Variants in SSBP2 observed in about 807,000 individuals in gnomAD.
The protein encoded by SSBP2 is single stranded DNA binding protein 2.
SSBP2 carries 17 observed loss-of-function variants against 61.8 expected under a neutral mutation model. The observed-to-expected ratio is 0.28, with a 90% CI of 0.19 to 0.41. SSBP2 has a LOEUF of 0.41. Ranked by LOEUF, SSBP2 falls within the 10% of genes least tolerant of loss-of-function variation. The pLI is 1.00. For synonymous variants in SSBP2, 139 were observed against 141.3 expected, an observed-to-expected ratio of 0.98 and a Z score of 0.12; for missense variants, 310 against 458.7, an observed-to-expected ratio of 0.68 and a Z score of 2.96.
At chr5:81,491,971 A>G (rs752770864) in intron 5 of SSBP2, among the ~76,000 whole-genome samples, 8 of 152,346 alleles carry the variant, frequency 5.3e-5, no homozygotes, top group Admixed American at 1.3e-4. Context: ...GCGTAGACAC[A>G]GCAACAGAAT....
chr5:81,645,225 C>G (rs1344743688), intron 2 of SSBP2, among the ~76,000 whole-genome samples: 2 of 152,178 alleles, frequency 1.3e-5, no homozygotes, highest in South Asian at 2.1e-4. Context: ...GCTTTTACCT[C>G]CTATACTATA....
At chr5:81,750,609 C>G (rs1757693317) in intron 1 of SSBP2, 2 of 222,154 alleles carry the variant, frequency 9.0e-6, no homozygotes, top group Non-Finnish European at 1.8e-5. Flanking sequence ...CCTCCCGCCA[C>G]CCCCGGCGGC....
intron 4 of SSBP2, among the ~76,000 whole-genome samples, chr5:81,541,801 C>G (rs753262399): frequency 1.2e-4 from 18 of 152,146 alleles, no homozygotes; most frequent in Non-Finnish European, 2.6e-4. Context: ...AATGTAAAAC[C>G]TCAAACTATA....
At chr5:81,640,125 G>A (rs1259119554) in intron 2 of SSBP2, among the ~76,000 whole-genome samples, 1 of 152,152 alleles carries the variant, frequency 6.6e-6, no homozygotes, top group East Asian at 1.9e-4. Context: ...AAAGGCAGGT[G>A]GATCACCTGA....
At chr5:81,646,737 C>A (rs1749310269) in intron 2 of SSBP2, among the ~76,000 whole-genome samples, 1 of 139,620 alleles carries the variant, frequency 7.2e-6, no homozygotes, top group Non-Finnish European at 1.5e-5. Context: ...TCAAAGGCTC[C>A]CTTTTTCCAA....
chr5:81,733,630 ATC>A (rs1294639163), intron 1 of SSBP2, among the ~76,000 whole-genome samples: 1 of 152,192 alleles, frequency 6.6e-6, no homozygotes. Flanking sequence ...GACAAATCGT[ATC>A]TGTTACAAAA....
At chr5:81,511,503 C>T (rs1471140402) in intron 5 of SSBP2, among the ~76,000 whole-genome samples, 2 of 152,138 alleles carry the variant, frequency 1.3e-5, no homozygotes, top group South Asian at 2.1e-4. Flanking sequence ...CTCCTGCCTA[C>T]CCTCCCCACT....
rs1764510418 is a variant in SSBP2 at position 81,461,097 on chromosome 5, T to C, written c.645A>G (p.Pro215=). The C allele has an allele frequency of 2.5e-6, 4 of 1,589,308 alleles. No homozygotes were observed. The highest frequency in any genetic ancestry group is 3.4e-6 in the Non-Finnish European group (4 of 1,167,904). Reference sequence around the variant, plus strand: ...GGTTTGGCCAAGGTCTACCACCACCTGGACCCCTACAAAACAATTTGATAA... The same window carrying C: ...GGTTTGGCCAAGGTCTACCACCACCCGGACCCCTACAAAACAATTTGATAA... Residue 215 remains proline (P), a synonymous_variant, in exon 10 of 17, where the codon CCA becomes CCG. Transcript: ENST00000320672.
At chr5:81,477,469 T>C (rs955494001) in intron 6 of SSBP2, among the ~76,000 whole-genome samples, 3 of 152,206 alleles carry the variant, frequency 2.0e-5, no homozygotes, top group African/African-American at 4.8e-5. Context: ...TCTTCAACAG[T>C]GGGAAACCCG....
chr5:81,728,787 A>G (rs1187355731), intron 1 of SSBP2, among the ~76,000 whole-genome samples: 2 of 152,254 alleles, frequency 1.3e-5, no homozygotes, highest in East Asian at 3.8e-4. Flanking sequence ...GTCCAAGCCA[A>G]TTAACAAATT....
intron 14 of SSBP2, 51 bp downstream of exon 14, chr5:81,440,507 A>G (rs1296356949): frequency 2.0e-6 from 3 of 1,516,688 alleles, no homozygotes; most frequent in Non-Finnish European, 2.7e-6. Flanking sequence ...ACTAGGTAGA[A>G]TTAAGGTTTT....
chr5:81,658,758 G>A lies in SSBP2; in HGVS notation c.63-8419C>T, dbSNP rs576834230. Among the ~76,000 whole-genome samples, 14 of 152,026 alleles carry A rather than the reference G, an allele frequency of 9.2e-5. No individual in the cohort carries two copies. The South Asian group carries it at 1.9e-3, about 20-fold the overall frequency. On this transcript the variant is annotated intron_variant, in intron 1 of 16. Transcript: ENST00000320672. ...GGATTTCCCTAATGAACATCGATGC[G>A]AAAATCCTCAATAAAACACTGGCAA...
chr5:81,476,219 A>G (rs1224223070), intron 6 of SSBP2, among the ~76,000 whole-genome samples: 1 of 152,138 alleles, frequency 6.6e-6, no homozygotes, highest in Non-Finnish European at 1.5e-5. Flanking sequence ...CATAACCACC[A>G]TACAGCCTTT....
At chr5:81,707,524 C>T (rs1447687561) in intron 1 of SSBP2, among the ~76,000 whole-genome samples, 1 of 152,168 alleles carries the variant, frequency 6.6e-6, no homozygotes, top group Non-Finnish European at 1.5e-5. Flanking sequence ...ATCCTTCCCT[C>T]ACAGTCCTCA....
chr5:81,668,441 T>C (rs1347341167), intron 1 of SSBP2, among the ~76,000 whole-genome samples: 1 of 152,070 alleles, frequency 6.6e-6, no homozygotes, highest in Admixed American at 6.6e-5. Flanking sequence ...TTATCCAGCC[T>C]ACTTATCTCA....
At chr5:81,493,279 TAGA>T (rs1767013411) in intron 5 of SSBP2, among the ~76,000 whole-genome samples, 5 of 151,392 alleles carry the variant, frequency 3.3e-5, no homozygotes, top group African/African-American at 1.2e-4. Context: ...GATAGATAGA[TAGA>T]TAGATAGATA....
chr5:81,751,227 T>C (rs1455611878), upstream of SSBP2: 4 of 625,302 alleles, frequency 6.4e-6, no homozygotes, highest in South Asian at 5.7e-5. Context: ...CCTCTGGCCT[T>C]CCGAAGCGCG....
intron 4 of SSBP2, among the ~76,000 whole-genome samples, chr5:81,609,953 A>T (rs1220337436): frequency 6.6e-6 from 1 of 151,840 alleles, no homozygotes; most frequent in Admixed American, 6.6e-5. Context: ...ACCCTTGCAT[A>T]CTCTCTCCAC....
intron 3 of SSBP2, among the ~76,000 whole-genome samples, chr5:81,623,841 G>A (rs1746874821): frequency 6.6e-6 from 1 of 152,050 alleles, no homozygotes; most frequent in Non-Finnish European, 1.5e-5. Flanking sequence ...TTTAGTGGAA[G>A]GTCAAATATT....
Sources: gnomAD v4.1 joint callset for allele counts (sites outside exome capture counted in the v4.1 genomes callset) on GRCh38, gnomAD v4.1.1 for gene constraint, MANE v1.5 for transcripts, NCBI Gene and HGNC (gene_info 2026-07-23, HGNC 2026-07-21) for gene names.